UNKL: variants seen among roughly 807,000 people sequenced by gnomAD.
UNKL encodes the protein unk like zinc finger.
Under a neutral mutation model 78.0 loss-of-function variants are expected in UNKL, and 60 were observed. The observed-to-expected ratio is 0.77, with a 90% CI of 0.63 to 0.95. The LOEUF is 0.95. Among genes scored for constraint, UNKL ranks in the 40% least tolerant of loss-of-function variants. The pLI is 0.00. For missense variants in UNKL, 1,159 were observed against 1,045.7 expected (o/e 1.11, Z -1.49); for synonymous variants, 608 against 474.8 (o/e 1.28, Z -3.65).
intron 6 of UNKL, chr16:1,395,786 C>T (rs1596734239): frequency 2.2e-6 from 1 of 456,174 alleles, no homozygotes; most frequent in Non-Finnish European, 4.4e-6. Flanking sequence ...CAGAAAACGC[C>T]CCGGACACCG....
chr16:1,370,089 G>A (rs2035674095), intron 12 of UNKL, 41 bp downstream of exon 12: 5 of 1,544,436 alleles, frequency 3.2e-6, no homozygotes, highest in African/African-American at 2.7e-5. Flanking sequence ...GCCCCACGGA[G>A]GCTTCACGGC....
Position 1,363,471 on chromosome 16 carries a change from CCA to C in UNKL, c.*2767_*2768del, listed in dbSNP as rs1437789787. On this transcript the variant is annotated 3_prime_UTR_variant, in exon 15 of 15. Transcript: ENST00000389221. ...GTCCACGCGGAACAAGGTCTGCTGA[CCA>C]CAGTTACACACGTCGTGACACCACT... 6 of 335,218 alleles carry C rather than the reference CCA, an allele frequency of 1.8e-5. No individual in the cohort carries two copies. Among genetic ancestry groups the C allele is most frequent in the Admixed American group, 4.4e-5 (1 of 22,952 alleles). 20.8% of individuals were successfully genotyped at this position (335,218 alleles called of 1,614,324 possible). A position where few individuals can be genotyped will look rare whatever the true frequency, so the allele number is the denominator to read the frequency against.
chr16:1,408,375 T>C (rs950429893), intron 2 of UNKL: 1 of 152,420 alleles, frequency 6.6e-6, no homozygotes, highest in Non-Finnish European at 1.5e-5. Flanking sequence ...CAAAAGGCCT[T>C]TCCCGAGCGG....
intron 10 of UNKL, chr16:1,383,412 G>C (rs9635637): frequency 1.1e-5 from 2 of 181,696 alleles, no homozygotes; most frequent in South Asian, 2.3e-4. Flanking sequence ...GCTGTGCCCA[G>C]AAGATGCACC....
chr16:1,383,772 G>A (rs2036701956), intron 10 of UNKL: 1 of 433,600 alleles, frequency 2.3e-6, no homozygotes, highest in African/African-American at 2.0e-5. Flanking sequence ...TGATGGTGCT[G>A]GGGTCCCACT....
intron 6 of UNKL, among the ~76,000 whole-genome samples, chr16:1,396,296 C>A (rs2037258120): frequency 6.8e-6 from 1 of 147,724 alleles, no homozygotes; most frequent in South Asian, 2.1e-4. Context: ...GCTCTGTCCT[C>A]CAAGCTGGAG....
chr16:1,388,337 C>T (rs944391146), intron 9 of UNKL, among the ~76,000 whole-genome samples: 1 of 151,876 alleles, frequency 6.6e-6, no homozygotes, highest in African/African-American at 2.4e-5. Context: ...GCCTCAGGCT[C>T]CCAAAGCGCT....
rs1057365407 is a variant in UNKL, at chr16:1,367,330, C to T, written c.1808G>A (p.Arg603Gln). The T allele has an allele frequency of 1.4e-5, 22 of 1,545,772 alleles. No homozygotes were observed. Among genetic ancestry groups the T allele is most frequent in the East Asian group, 2.4e-5 (1 of 41,246 alleles). Residue 603 changes from arginine (R) to glutamine (Q), a missense_variant, in exon 14 of 15, where the codon CGA (arginine) becomes CAA (glutamine). By Grantham distance (43) the Arg-to-Gln change is conservative. Coordinates refer to ENST00000389221, the MANE Select transcript of UNKL (RefSeq NM_001372107.1). ...ACGCTCCTTGGCCTCCTGCGCCTCT[C>T]GCTGCCAGGCATCGCAGACCTGAAA... Reference protein sequence around the residue: ...QVKQVCDAWQREAQEAKERAR... With the variant: ...QVKQVCDAWQQEAQEAKERAR...
At chr16:1,370,449 C>T (rs921288869) in intron 11 of UNKL, 92 bp from the exon 12 acceptor site, 2 of 1,485,976 alleles carry the variant, frequency 1.3e-6, no homozygotes, top group Admixed American at 2.5e-5. Flanking sequence ...ACGGACCCTG[C>T]AGGTGGTGGT....
intron 8 of UNKL, among the ~76,000 whole-genome samples, chr16:1,391,258 ACACACACACACACAC>A (rs779613674): frequency 2.2e-4 from 33 of 149,664 alleles, no homozygotes; most frequent in Non-Finnish European, 3.1e-4. Flanking sequence ...ACACACACAC[ACACACACACACACAC>A]ACACACACAC....
rs111705386 is a variant in UNKL, at chr16:1,397,433, C to A, written c.735-138G>T. 4.8e-4 allele frequency: 434 copies of A among 913,420 alleles called. 5 individuals are homozygous for A. In the East Asian group the frequency reaches 0.016, roughly 33 times the overall value. 56.6% of individuals were successfully genotyped at this position (913,420 alleles called of 1,614,324 possible). Reference sequence around the variant, plus strand: ...ACACAGAGGACTTGGCTCCCTGCCCCCCACCCCCGTGCTTCACGCTGGGGC... The same window carrying A: ...ACACAGAGGACTTGGCTCCCTGCCCACCACCCCCGTGCTTCACGCTGGGGC... On this transcript the variant is annotated intron_variant, in intron 5 of 14. Transcript: ENST00000389221.
At chr16:1,397,697 AC>A (rs1270334489) in intron 5 of UNKL, among the ~76,000 whole-genome samples, 1 of 11,918 alleles carries the variant, frequency 8.4e-5, no homozygotes, top group East Asian at 1.0e-3. Flanking sequence ...CCCCACCCCG[AC>A]CCCCGTGCTT....
chr16:1,363,229 C>A lies in UNKL; in HGVS notation c.*3011G>T. The A allele has an allele frequency of 1.4e-6, 1 of 733,710 alleles. No individual in the cohort carries two copies. The highest frequency in any genetic ancestry group is 2.4e-6 in the Non-Finnish European group (1 of 420,930). 45.4% of individuals were successfully genotyped at this position (733,710 alleles called of 1,614,324 possible). ...CAAAGATTCAAGGTTTTAATTAATT[C>A]CCATACTGATAAAAATAACTCCATG... On this transcript the variant is annotated 3_prime_UTR_variant, in exon 15 of 15. Transcript: ENST00000389221.
intron 10 of UNKL, among the ~76,000 whole-genome samples, chr16:1,374,469 G>A (rs929985564): frequency 1.3e-5 from 2 of 152,074 alleles, no homozygotes; most frequent in East Asian, 1.9e-4. Flanking sequence ...GTCCCTCCAT[G>A]GCCCCAGGCA....
intron 1 of UNKL, 53 bp from the exon 2 acceptor site, chr16:1,414,108 C>T: frequency 6.7e-7 from 1 of 1,492,000 alleles, no homozygotes; most frequent in African/African-American, 1.4e-5. Context: ...TCCAGGGACT[C>T]GGACTCGTGG....
At chr16:1,370,792 A>G (rs772114168) in intron 11 of UNKL, among the ~76,000 whole-genome samples, 5 of 152,236 alleles carry the variant, frequency 3.3e-5, no homozygotes, top group African/African-American at 4.8e-5. Flanking sequence ...GTTAAGATAC[A>G]TTTGTATGGG....
chr16:1,399,568 G>C lies in UNKL; in HGVS notation c.599-59C>G. ...CGACTGGAAGCAATGCTGGGCAGAG[G>C]AGACCAAAGGTGGAAGGACCTGGCT... On this transcript the variant is annotated intron_variant, in intron 4 of 14. Transcript: ENST00000389221. The surrounding 1 kb of genome is among the most constrained non-coding windows in gnomAD (Gnocchi z 5.8). 6.5e-7 allele frequency: 1 copy of C among 1,547,646 alleles called. No homozygotes were observed. Among genetic ancestry groups the C allele is most frequent in the Non-Finnish European group, 8.7e-7 (1 of 1,150,390 alleles).
chr16:1,395,165 ATTTTTT>A (rs35706255), intron 6 of UNKL, among the ~76,000 whole-genome samples: 1 of 105,532 alleles, frequency 9.5e-6, no homozygotes, highest in Admixed American at 1.0e-4. Context: ...CGGTCTGTTC[ATTTTTT>A]TTTTTTTTTT....
At chr16:1,402,948 C>T (rs369267450) in intron 3 of UNKL, among the ~76,000 whole-genome samples, 16 of 152,152 alleles carry the variant, frequency 1.1e-4, no homozygotes, top group Admixed American at 5.9e-4. Flanking sequence ...GCTGAGATCG[C>T]GCCGCTGCAC....
Sources: gnomAD v4.1 joint callset for allele counts (sites outside exome capture counted in the v4.1 genomes callset) on GRCh38, gnomAD v4.1.1 for gene constraint, Gnocchi (gnomAD v3.1) non-coding constraint, MANE v1.5 for transcripts, NCBI Gene and HGNC (gene_info 2026-07-23, HGNC 2026-07-21) for gene names.